The following SETX variants were observed in gnomAD, a reference collection of about 807,000 sequenced individuals.
SETX encodes the protein helicase senataxin.
A neutral mutation model predicts 227.2 loss-of-function variants in SETX; 90 were observed. The ratio of observed to expected loss-of-function variants is 0.40; its 90% CI spans 0.33 to 0.47. The LOEUF (loss-of-function observed/expected upper bound fraction) is 0.47. Ranked by LOEUF, SETX falls within the 20% of genes least tolerant of loss-of-function variation. The pLI is 0.91. For synonymous variants in SETX, 1,210 were observed against 1,113.2 expected (o/e 1.09, Z -1.73); for missense variants, 3,052 against 3,181.5 (o/e 0.96, Z 0.98).
intron 11 of SETX, 126 bp downstream of exon 11, chr9:132,311,631 C>T: frequency 1.4e-6 from 1 of 699,914 alleles, no homozygotes; most frequent in Non-Finnish European, 2.5e-6. Flanking sequence ...TAAGCATATT[C>T]TAAGAAGTCA....
intron 18 of SETX, among the ~76,000 whole-genome samples, chr9:132,286,043 C>A (rs1403062214): frequency 6.6e-6 from 1 of 150,906 alleles, no homozygotes; most frequent in Non-Finnish European, 1.5e-5. Flanking sequence ...ATTAGCTGGG[C>A]GTGGTGGCAC....
intron 25 of SETX, among the ~76,000 whole-genome samples, chr9:132,267,934 AG>A (rs1842726298): frequency 1.3e-5 from 2 of 152,226 alleles, no homozygotes; most frequent in African/African-American, 4.8e-5. Context: ...GAAAAACAGT[AG>A]TGCCCACAAA....
At chr9:132,316,068 C>T (rs987358111) in intron 10 of SETX, among the ~76,000 whole-genome samples, 6 of 152,178 alleles carry the variant, frequency 3.9e-5, no homozygotes, top group African/African-American at 1.4e-4. Flanking sequence ...TTTTAACCAG[C>T]TCCAACTCTA....
At chr9:132,333,416 T>TACACACACACACACACACAC (rs764524464) in intron 7 of SETX, among the ~76,000 whole-genome samples, 1 of 88,092 alleles carries the variant, frequency 1.1e-5, no homozygotes, top group Non-Finnish European at 2.1e-5. Context: ...AAAATATATA[T>TACACACACACACACACACAC]ACACACACAC....
intron 24 of SETX, among the ~76,000 whole-genome samples, chr9:132,270,324 CGTGT>C (rs1008499541): frequency 6.7e-6 from 1 of 149,592 alleles, no homozygotes; most frequent in Non-Finnish European, 1.5e-5. Context: ...TCAGCGTGCC[CGTGT>C]GAGACACAGG....
intron 21 of SETX, among the ~76,000 whole-genome samples, chr9:132,277,596 T>C (rs1021171709): frequency 2.0e-5 from 3 of 152,006 alleles, no homozygotes; most frequent in African/African-American, 4.8e-5. Flanking sequence ...CTGGGCAACA[T>C]AGCGAAACCC....
chr9:132,273,450 A>T (rs1842994465), intron 23 of SETX, among the ~76,000 whole-genome samples: 1 of 152,254 alleles, frequency 6.6e-6, no homozygotes, highest in African/African-American at 2.4e-5. Context: ...GGCATGAGCC[A>T]CTGCACCCGG....
intron 5 of SETX, among the ~76,000 whole-genome samples, chr9:132,339,403 T>C (rs1847831939): frequency 2.0e-5 from 3 of 152,042 alleles, no homozygotes; most frequent in African/African-American, 7.2e-5. Context: ...CAGTGAGCTG[T>C]CATCACGCCA....
intron 12 of SETX, 66 bp from the exon 13 acceptor site, chr9:132,298,378 T>C: frequency 7.9e-7 from 1 of 1,261,882 alleles, no homozygotes; most frequent in African/African-American, 1.5e-5. Context: ...GTTGTAAAGG[T>C]CATGCAGAAT....
At chr9:132,307,731 T>G (rs1845414833) in intron 11 of SETX, among the ~76,000 whole-genome samples, 1 of 149,604 alleles carries the variant, frequency 6.7e-6, no homozygotes, top group Admixed American at 6.7e-5. Flanking sequence ...CAGGCTGGAG[T>G]GCAGTGGCAC....
At chr9:132,278,976 T>C (rs963659915) in intron 20 of SETX, among the ~76,000 whole-genome samples, 2 of 152,242 alleles carry the variant, frequency 1.3e-5, no homozygotes, top group African/African-American at 2.4e-5. Flanking sequence ...ACTCGACTTA[T>C]GTGTTGACCA....
Position 132,328,781 on chromosome 9 carries a change from T to C in SETX, c.2817A>G (p.Thr939=), listed in dbSNP as rs2131448632. The C allele has an allele frequency of 1.9e-6, 3 of 1,611,104 alleles. No homozygotes were observed. The highest frequency in any genetic ancestry group is 2.5e-6 in the Non-Finnish European group (3 of 1,178,790). The change falls in exon 10 of 26, where the codon ACA becomes ACG. Residue 939 remains threonine (T), a synonymous_variant. Transcript: ENST00000224140. ...NSTSVIYSNL[T]REQAPDISPK... is the part of the protein sequence containing the mutation. ...GACTGATGTCAGGGGCCTGTTCTCT[T>C]GTCAAGTTAGAATAAATCACACTGG...
At position 132,326,983 on chromosome 9, in the gene SETX, G is replaced by A. The variant is rs780250043; in HGVS notation, c.4615C>T (p.Pro1539Ser). 6.2e-6 allele frequency: 10 copies of A among 1,614,158 alleles called. No individual in the cohort carries two copies. In the South Asian group the frequency reaches 8.8e-5, roughly 14 times the overall value. Residue 1539 changes from proline to serine, a missense_variant, in exon 10 of 26, where the codon CCT (proline) becomes TCT (serine). Around this residue, in one of 10 missense-constraint regions of SETX, gnomAD observed 1,483 missense variants for 1,312.0 expected, o/e 1.13. Transcript: ENST00000224140. ...GTGCCACTCAAAGATTCCAACTGAG[G>A]CCGACTTACAGAATCTTCTTCAACC... is the stretch of plus-strand genomic sequence containing the variant. ...VEVEEDSVSRPQLESLSGTKC... is the reference protein window; with the variant it reads ...VEVEEDSVSRSQLESLSGTKC...
intron 7 of SETX, among the ~76,000 whole-genome samples, chr9:132,333,550 T>C (rs1847401505): frequency 6.6e-6 from 1 of 151,144 alleles, no homozygotes; most frequent in African/African-American, 2.4e-5. Flanking sequence ...ATGAAGAGAA[T>C]GAGGGGAAAA....
chr9:132,312,959 T>C (rs570513745), intron 10 of SETX, among the ~76,000 whole-genome samples: 20 of 152,182 alleles, frequency 1.3e-4, no homozygotes, highest in Non-Finnish European at 2.8e-4. Flanking sequence ...TCAAAAAGAT[T>C]ACATGGAGTG....
At chr9:132,300,914 T>TA (rs1844957439) in intron 11 of SETX, 111 bp from the exon 12 acceptor site, 1 of 891,424 alleles carries the variant, frequency 1.1e-6, no homozygotes, top group African/African-American at 1.7e-5. Flanking sequence ...TACACAGCAC[T>TA]AAAGGACTCT....
At chr9:132,353,506 G>C (rs1466628561) in intron 2 of SETX, 143 bp downstream of exon 2, 1 of 132,868 alleles carries the variant, frequency 7.5e-6, no homozygotes, top group Admixed American at 7.1e-5. Context: ...CATCACGTCT[G>C]GGGGGGGGGC....
chr9:132,261,682 T>C lies in SETX; in HGVS notation c.*2557A>G, dbSNP rs1842419401. 2 of 153,096 alleles carry C rather than the reference T, an allele frequency of 1.3e-5. No homozygotes were observed. The highest frequency in any genetic ancestry group is 4.1e-4 in the South Asian group (2 of 4,858). The allele number at this position is 153,096 out of a possible 1,614,324, so 9.5% of individuals were successfully genotyped here. On this transcript the variant is annotated 3_prime_UTR_variant, in exon 26 of 26. Transcript: ENST00000224140. ...GTACATTTTTGTTATAAAATTCATTTACAGGAGGTTATTCACATGTACTTG... is the reference window on the plus strand; with the variant it reads ...GTACATTTTTGTTATAAAATTCATTCACAGGAGGTTATTCACATGTACTTG...
At chr9:132,287,792 G>C (rs965375291) in intron 17 of SETX, among the ~76,000 whole-genome samples, 7 of 142,692 alleles carry the variant, frequency 4.9e-5, no homozygotes, top group African/African-American at 1.3e-4. Flanking sequence ...AGAAAGAAAT[G>C]TGTTAATCTG....
Sources: allele counts gnomAD v4.1 joint callset (sites outside exome capture counted in the v4.1 genomes callset), GRCh38; gene constraint gnomAD v4.1.1; regional missense constraint gnomAD v4.1.1; transcripts MANE v1.5; gene names NCBI Gene and HGNC (gene_info 2026-07-23, HGNC 2026-07-21).